The following HDAC4 variants were observed in gnomAD, a reference collection of about 807,000 sequenced individuals.
HDAC4 encodes the protein histone deacetylase 4, also known as histone deacetylase A.
HDAC4 carries 16 observed loss-of-function variants against 135.1 expected under a neutral mutation model. That is an observed-to-expected ratio of 0.12 (90% CI 0.08 to 0.18). The LOEUF is 0.18. Ranked by LOEUF, HDAC4 falls within the 10% of genes least tolerant of loss-of-function variation. The probability of loss-of-function intolerance (pLI) is 1.00; values close to 1 mark genes in which losing one functional copy is unlikely to be tolerated. For missense variants in HDAC4, 1,143 were observed against 1,511.8 expected (o/e 0.76, Z 4.05); for synonymous variants, 685 against 653.4 (o/e 1.05, Z -0.74).
chr2:239,082,987 C>T (rs994484456), intron 20 of HDAC4, among the ~76,000 whole-genome samples: 11 of 152,180 alleles, frequency 7.2e-5, no homozygotes, highest in African/African-American at 2.2e-4. Context: ...CTTGCTGCTC[C>T]GTTATCTGTG....
intron 16 of HDAC4, 145 bp downstream of exon 16, chr2:239,102,631 G>A (rs2152764976): frequency 1.2e-6 from 1 of 864,444 alleles, no homozygotes; most frequent in Non-Finnish European, 1.9e-6. Context: ...TGAACAGAGG[G>A]TGAAAGGTTC....
At chr2:239,096,086 G>T (rs1214053998) in intron 16 of HDAC4, among the ~76,000 whole-genome samples, 1 of 152,124 alleles carries the variant, frequency 6.6e-6, no homozygotes, top group Non-Finnish European at 1.5e-5. Context: ...GTGTGCTCTG[G>T]TCCACGCTCC....
At chr2:239,192,602 C>T (rs1310902395) in intron 3 of HDAC4, among the ~76,000 whole-genome samples, 1 of 152,128 alleles carries the variant, frequency 6.6e-6, no homozygotes, top group Non-Finnish European at 1.5e-5. Context: ...GCTACGGGTC[C>T]GGCTCTCACA....
At chr2:239,294,157 C>T (rs756562210) in intron 2 of HDAC4, among the ~76,000 whole-genome samples, 7 of 152,272 alleles carry the variant, frequency 4.6e-5, no homozygotes, top group South Asian at 4.1e-4. Flanking sequence ...GTCGCTGAGG[C>T]GTCACATTTA....
chr2:239,384,745 C>A (rs1360465512), intron 1 of HDAC4, among the ~76,000 whole-genome samples: 3 of 152,058 alleles, frequency 2.0e-5, no homozygotes, highest in African/African-American at 4.8e-5. Context: ...CACCATATAC[C>A]CCACGGCTCT....
At position 239,236,595 on chromosome 2, in the gene HDAC4, G is replaced by A. The variant is rs1202309008; in HGVS notation, c.92C>T (p.Thr31Met). Residue 31 changes from threonine to methionine, a missense_variant and splice_region_variant, in exon 3 of 27, where the codon ACG becomes ATG. By Grantham distance (81) the Thr-to-Met change is moderately conservative. This residue lies in a region of HDAC4 where 247 missense variants were observed against 310.0 expected (regional missense o/e 0.80). Coordinates refer to ENST00000543185, the MANE Select transcript of HDAC4 (RefSeq NM_001378414.1). ...NPARVNHMPS[T>M]VDVATALPLQ... ...AGGGCAGGGGTGGGCGGACTTACCCGTGCTGGGCATGTGGTTCACGCGGGC... is the reference window on the plus strand; with the variant it reads ...AGGGCAGGGGTGGGCGGACTTACCCATGCTGGGCATGTGGTTCACGCGGGC... 6.4e-7 allele frequency: 1 copy of A among 1,551,346 alleles called. No homozygotes were observed. The highest frequency in any genetic ancestry group is 8.7e-7 in the Non-Finnish European group (1 of 1,146,662).
At chr2:239,369,202 C>T (rs916254300) in intron 1 of HDAC4, among the ~76,000 whole-genome samples, 2 of 152,196 alleles carry the variant, frequency 1.3e-5, no homozygotes, top group Admixed American at 6.5e-5. Context: ...AGGAAGACAG[C>T]AGCACGGCCC....
chr2:239,290,106 T>G lies in HDAC4; in HGVS notation c.23-53442A>C, dbSNP rs1237900621. Among the ~76,000 whole-genome samples, 7 of 152,234 alleles carry G rather than the reference T, an allele frequency of 4.6e-5. No homozygotes were observed. In the East Asian group the frequency reaches 1.3e-3, roughly 29 times the overall value. On this transcript the variant is annotated intron_variant, in intron 2 of 26. Transcript: ENST00000543185. ...TGTACACTCCATTGAAATGGCTTAA[T>G]CAAAAGACACAACATTAACCAGGAA...
chr2:239,065,661 C>T (rs1388311407), intron 24 of HDAC4, among the ~76,000 whole-genome samples: 1 of 152,204 alleles, frequency 6.6e-6, no homozygotes, highest in Admixed American at 6.5e-5. Context: ...AGGCAGACTC[C>T]CACCCTGCCC....
intron 22 of HDAC4, among the ~76,000 whole-genome samples, chr2:239,070,058 C>T (rs913784458): frequency 6.7e-6 from 1 of 149,936 alleles, no homozygotes; most frequent in Non-Finnish European, 1.5e-5. Context: ...CAGCTCCACT[C>T]GCCCCATCAG....
intron 3 of HDAC4, among the ~76,000 whole-genome samples, chr2:239,208,228 G>A (rs1177707142): frequency 2.7e-5 from 4 of 150,108 alleles, no homozygotes; most frequent in Non-Finnish European, 4.4e-5. Context: ...TCCGGAGGCC[G>A]AGGCAGGAGA....
chr2:239,275,792 C>T (rs1465549966), intron 2 of HDAC4, among the ~76,000 whole-genome samples: 1 of 152,168 alleles, frequency 6.6e-6, no homozygotes, highest in East Asian at 1.9e-4. Flanking sequence ...AGGACCCCTG[C>T]CTTCCAGGAG....
intron 1 of HDAC4, among the ~76,000 whole-genome samples, chr2:239,354,660 G>A (rs1693379184): frequency 6.9e-6 from 1 of 144,232 alleles, no homozygotes; most frequent in African/African-American, 2.6e-5. Flanking sequence ...CCCCAAGGCT[G>A]GCTATCTAGA....
intron 3 of HDAC4, among the ~76,000 whole-genome samples, chr2:239,199,028 T>G (rs140484804): frequency 7.0e-4 from 107 of 152,266 alleles, no homozygotes; most frequent in African/African-American, 2.6e-3. Flanking sequence ...TTTAAATATT[T>G]TGTTCAAATC....
chr2:239,291,870 C>T (rs560602638), intron 2 of HDAC4, among the ~76,000 whole-genome samples: 3 of 152,168 alleles, frequency 2.0e-5, no homozygotes, highest in Admixed American at 6.5e-5. Context: ...CGGGAGCCGC[C>T]GATTACATTT....
intron 3 of HDAC4, among the ~76,000 whole-genome samples, chr2:239,235,021 C>T (rs1304186186): frequency 2.0e-5 from 3 of 152,136 alleles, no homozygotes; most frequent in Admixed American, 1.3e-4. Flanking sequence ...AAAGTGAAAA[C>T]CAAAACTGTC....
Position 239,229,317 on chromosome 2 carries a change from G to T in HDAC4, c.94+7276C>A, listed in dbSNP as rs529040161. ...TTGCAGTCAGCTTCTAAAGCCATGT[G>T]GGGGGCAGACTCCTGCGTCTGGCCT... On this transcript the variant is annotated intron_variant, in intron 3 of 26. Transcript: ENST00000543185. Among the ~76,000 whole-genome samples the T allele has an allele frequency of 1.1e-4, 17 of 152,206 alleles. No individual in the cohort carries two copies. In the South Asian group the frequency reaches 3.3e-3, roughly 30 times the overall value.
chr2:239,152,298 T>G (rs2042164438), intron 7 of HDAC4, among the ~76,000 whole-genome samples: 1 of 152,230 alleles, frequency 6.6e-6, no homozygotes, highest in African/African-American at 2.4e-5. Flanking sequence ...ATGACAGTGA[T>G]CCACACAGTT....
chr2:239,110,355 C>G (rs758954888), intron 14 of HDAC4, among the ~76,000 whole-genome samples: 1 of 152,212 alleles, frequency 6.6e-6, no homozygotes, highest in South Asian at 2.1e-4. Flanking sequence ...CTGCAAGTCT[C>G]CTGGGACCAG....
Sources: allele counts gnomAD v4.1 joint callset (sites outside exome capture counted in the v4.1 genomes callset), GRCh38; gene constraint gnomAD v4.1.1; regional missense constraint gnomAD v4.1.1; transcripts MANE v1.5; gene names NCBI Gene and HGNC (gene_info 2026-07-23, HGNC 2026-07-21).